KAT6A: variants seen among roughly 807,000 people sequenced by gnomAD.
The protein encoded by KAT6A is histone acetyltransferase KAT6A.
A neutral mutation model predicts 198.4 loss-of-function variants in KAT6A; 9 were observed. The observed-to-expected ratio is 0.05, with a 90% CI of 0.03 to 0.08. The LOEUF (loss-of-function observed/expected upper bound fraction) is 0.08. Among genes scored for constraint, KAT6A ranks in the 10% least tolerant of loss-of-function variants. KAT6A has a pLI of 1.00. For missense variants in KAT6A, 2,077 were observed against 2,509.9 expected (o/e 0.83, Z 3.69); for synonymous variants, 890 against 883.0 (o/e 1.01, Z -0.14).
Position 41,934,657 on chromosome 8 carries a change from A to G in KAT6A, c.3563T>C (p.Val1188Ala). The G allele has an allele frequency of 1.9e-6, 3 of 1,614,152 alleles. No individual in the cohort carries two copies. Among genetic ancestry groups the G allele is most frequent in the East Asian group, 2.2e-5 (1 of 44,876 alleles). The change falls in exon 17 of 17, where the codon GTC becomes GCC. Residue 1188 changes from valine to alanine, a missense_variant. By Grantham distance (64) the Val-to-Ala change is moderately conservative. Around this residue, in one of 13 missense-constraint regions of KAT6A, gnomAD observed 375 missense variants for 383.0 expected, o/e 0.98. Coordinates refer to ENST00000265713, the MANE Select transcript of KAT6A (RefSeq NM_006766.5). ...AGGAATGGAAACGATGGGCTCAATG[A>G]CGCATGCTTGAGTAGAAACTGGCAT... Reference protein sequence around the residue: ...EIMPVSTQACVIEPIVSIPKA... With the variant: ...EIMPVSTQACAIEPIVSIPKA...
chr8:41,943,613 G>A, intron 13 of KAT6A, 135 bp downstream of exon 13: 2 of 633,204 alleles, frequency 3.2e-6, no homozygotes, highest in Non-Finnish European at 5.6e-6. Context: ...TCCTAGAAAG[G>A]AAAATGATAT....
chr8:41,989,763 A>G (rs1824834321), intron 2 of KAT6A, among the ~76,000 whole-genome samples: 1 of 152,180 alleles, frequency 6.6e-6, no homozygotes, highest in African/African-American at 2.4e-5. Flanking sequence ...AGGTATGAAG[A>G]AGAGAGCTAA....
rs1377130079 is a variant in KAT6A, at chr8:41,945,788, G to C, written c.1996+803C>G. ...TCACGCCTGTAATCCCAGTACTTTG[G>C]GAGGCCAAGGCGGGTGGATCACGAG... On this transcript the variant is annotated intron_variant, in intron 12 of 16. Coordinates refer to ENST00000265713, the MANE Select transcript of KAT6A (RefSeq NM_006766.5). Among the ~76,000 whole-genome samples the C allele has an allele frequency of 2.6e-5, 4 of 152,124 alleles. No homozygotes were observed. In the East Asian group the frequency reaches 7.8e-4, roughly 30 times the overall value.
intron 8 of KAT6A, among the ~76,000 whole-genome samples, chr8:41,965,953 G>T (rs1823462326): frequency 1.3e-5 from 2 of 152,146 alleles, no homozygotes; most frequent in Non-Finnish European, 2.9e-5. Context: ...AGGCCGCATA[G>T]ATGTATTTTT....
At chr8:41,999,735 C>G (rs1825393723) in intron 2 of KAT6A, among the ~76,000 whole-genome samples, 1 of 152,222 alleles carries the variant, frequency 6.6e-6, no homozygotes, top group African/African-American at 2.4e-5. Flanking sequence ...TTTACCCCTT[C>G]TCTCAAAGTC....
At chr8:41,943,578 T>C (rs1201535491) in intron 13 of KAT6A, among the ~76,000 whole-genome samples, 170 bp downstream of exon 13, 1 of 151,964 alleles carries the variant, frequency 6.6e-6, no homozygotes, top group Non-Finnish European at 1.5e-5. Flanking sequence ...ATATAGACCA[T>C]ATATATAGTC....
In KAT6A at chr8:41,932,820, T is replaced by A. The variant is rs1821624700; in HGVS notation, c.5400A>T (p.Leu1800Phe). 2 of 1,613,930 alleles carry A rather than the reference T, an allele frequency of 1.2e-6. No homozygotes were observed. Among genetic ancestry groups the A allele is most frequent in the Non-Finnish European group, 1.7e-6 (2 of 1,179,978 alleles). Residue 1800 changes from leucine to phenylalanine, a missense_variant, in exon 17 of 17, where the codon TTA becomes TTT. Coordinates refer to ENST00000265713, the MANE Select transcript of KAT6A (RefSeq NM_006766.5). ...GLAQLAPSHP[L>F]AGTPQAQATM... ...TGGCTTGTGCTTGAGGAGTCCCAGC[T>A]AAGGGATGAGATGGAGCCAGCTGAG...
At chr8:42,039,249 G>C (rs1381031046) in intron 2 of KAT6A, among the ~76,000 whole-genome samples, 2 of 152,296 alleles carry the variant, frequency 1.3e-5, no homozygotes, top group East Asian at 3.9e-4. Flanking sequence ...CTTTATCAGA[G>C]TGAAGCTCTT....
At position 41,949,252 on chromosome 8, in the gene KAT6A, A is replaced by G. The variant is rs1341115296; in HGVS notation, c.1710T>C (p.Ile570=). 2 of 1,547,326 alleles carry G rather than the reference A, an allele frequency of 1.3e-6. No individual in the cohort carries two copies. The highest frequency in any genetic ancestry group is 2.5e-5 in the South Asian group (2 of 80,992). The stretch of plus-strand genomic sequence containing the variant: ...AGACAGAAATATTATTCTTTCTGTA[A>G]ATCTCATTGGCAGGAGGATGGAACC... ...CGWFHPPANE[I]YRKNNISVFE... Residue 570 remains isoleucine, a synonymous_variant, in exon 10 of 17, where the codon ATT becomes ATC. Coordinates refer to ENST00000265713, the MANE Select transcript of KAT6A (RefSeq NM_006766.5).
intron 4 of KAT6A, 110 bp downstream of exon 4, chr8:41,981,729 T>C: frequency 1.5e-6 from 1 of 687,992 alleles, no homozygotes; most frequent in Non-Finnish European, 2.7e-6. Context: ...CTATTCTAAA[T>C]GCTACTGGAC....
At chr8:42,026,795 T>C (rs1174308048) in intron 2 of KAT6A, among the ~76,000 whole-genome samples, 2 of 152,158 alleles carry the variant, frequency 1.3e-5, no homozygotes, top group African/African-American at 2.4e-5. Context: ...GGATTTCCAG[T>C]ACTACGCTGA....
chr8:42,051,858 T>A (rs1219242154), intron 1 of KAT6A, 43 bp downstream of exon 1: 1 of 146,654 alleles, frequency 6.8e-6, no homozygotes, highest in Non-Finnish European at 1.5e-5. Flanking sequence ...GGCCTCGGGC[T>A]GGGCGGCCGG....
intron 2 of KAT6A, among the ~76,000 whole-genome samples, chr8:42,032,329 C>G (rs938538747): frequency 6.6e-6 from 1 of 152,034 alleles, no homozygotes; most frequent in East Asian, 1.9e-4. Flanking sequence ...ATCTTTTGTA[C>G]CTATGTACAA....
chr8:41,998,164 T>G (rs575889307), intron 2 of KAT6A, among the ~76,000 whole-genome samples: 1 of 152,254 alleles, frequency 6.6e-6, no homozygotes, highest in Non-Finnish European at 1.5e-5. Context: ...TTCAAAGCAC[T>G]TATAAATGTC....
Position 41,931,968 on chromosome 8 carries a change from T to C in KAT6A, c.*237A>G. On this transcript the variant is annotated 3_prime_UTR_variant, in exon 17 of 17. Coordinates refer to ENST00000265713, the MANE Select transcript of KAT6A (RefSeq NM_006766.5). ...GTTTCCCCATCCCCAAATCCATTTT[T>C]AGATGAGTTCTACTGTAAAATGTTC... The C allele has an allele frequency of 2.9e-6, 1 of 349,250 alleles. No homozygotes were observed. The highest frequency in any genetic ancestry group is 5.0e-6 in the Non-Finnish European group (1 of 199,554). The allele number at this position is 349,250 out of a possible 1,614,324, so 21.6% of individuals were successfully genotyped here.
At chr8:42,005,106 C>T (rs937228536) in intron 2 of KAT6A, among the ~76,000 whole-genome samples, 3 of 152,136 alleles carry the variant, frequency 2.0e-5, no homozygotes, top group Admixed American at 2.0e-4. Flanking sequence ...AGGCCACAGT[C>T]CATTCCCCAT....
chr8:41,983,643 T>A (rs1454369621), intron 3 of KAT6A, among the ~76,000 whole-genome samples: 1 of 152,228 alleles, frequency 6.6e-6, no homozygotes, highest in Non-Finnish European at 1.5e-5. Context: ...TAGAATGAAT[T>A]CCTGAAAGTG....
rs1219784647 is a variant in KAT6A at position 41,995,670 on chromosome 8, ATTTC to A, written c.601-8111_601-8108del. ...TTCCCATCTAAAAAGTCCAATTTTC[ATTTC>A]TTTTTTTTTTTTTTTTTTTGAGATG... On this transcript the variant is annotated intron_variant, in intron 2 of 16. Coordinates refer to ENST00000265713, the MANE Select transcript of KAT6A (RefSeq NM_006766.5). Among the ~76,000 whole-genome samples the A allele has an allele frequency of 6.2e-5, 8 of 129,370 alleles. No individual in the cohort carries two copies. The East Asian group carries it at 1.8e-3, about 29-fold the overall frequency. The allele number at this position is 129,370 out of a possible 152,430, so 84.9% of individuals were successfully genotyped here.
At chr8:41,958,299 C>G (rs1823028132) in intron 8 of KAT6A, 1 of 152,172 alleles carries the variant, frequency 6.6e-6, no homozygotes, top group African/African-American at 2.4e-5. Flanking sequence ...TATGTCGTTA[C>G]CTCCTTTGGT....
Sources: allele counts gnomAD v4.1 joint callset (sites outside exome capture counted in the v4.1 genomes callset), GRCh38; gene constraint gnomAD v4.1.1; regional missense constraint gnomAD v4.1.1; transcripts MANE v1.5; gene names NCBI Gene and HGNC (gene_info 2026-07-23, HGNC 2026-07-21).